The following ST8SIA1 variants were observed in gnomAD, a reference collection of about 807,000 sequenced individuals.
ST8SIA1 encodes the protein alpha-N-acetylneuraminide alpha-2,8-sialyltransferase.
A neutral mutation model predicts 35.9 loss-of-function variants in ST8SIA1; 16 were observed. That is an observed-to-expected ratio of 0.45 (90% CI 0.30 to 0.68). The LOEUF (loss-of-function observed/expected upper bound fraction) is 0.68, where lower values mean the gene tolerates loss of function less well. Ranked by LOEUF, ST8SIA1 falls within the 30% of genes least tolerant of loss-of-function variation. The pLI is 0.09. For synonymous variants in ST8SIA1, 170 were observed against 169.6 expected (o/e 1.00, Z -0.02); for missense variants, 383 against 453.6 (o/e 0.84, Z 1.41).
rs946514889 is a variant in ST8SIA1, at chr12:22,271,837, A to T, written c.381+15312T>A. 2.2e-4 allele frequency among the ~76,000 whole-genome samples: 34 copies of T among 152,166 alleles called. 1 individual carries two copies. Among genetic ancestry groups the T allele is most frequent in the African/African-American group, 8.2e-4 (34 of 41,450 alleles). ...CTCAACCATCTGCAAAAGTGAAAGGAAATTTCTACATATCAAGATCCCCAT... is the reference window on the plus strand; with the variant it reads ...CTCAACCATCTGCAAAAGTGAAAGGTAATTTCTACATATCAAGATCCCCAT... On this transcript the variant is annotated intron_variant, in intron 2 of 4. Transcript: ENST00000396037.
intron 4 of ST8SIA1, among the ~76,000 whole-genome samples, chr12:22,227,608 G>A (rs1004626722): frequency 1.6e-4 from 24 of 152,146 alleles, no homozygotes; most frequent in African/African-American, 5.5e-4. Context: ...CAAAAAAAAT[G>A]TTTTGAGGTG....
chr12:22,248,336 G>A (rs1865628020), intron 4 of ST8SIA1, among the ~76,000 whole-genome samples: 1 of 152,046 alleles, frequency 6.6e-6, no homozygotes, highest in African/African-American at 2.4e-5. Context: ...TCTCTACAAT[G>A]AACAGTCCTT....
intron 1 of ST8SIA1, 47 bp from the exon 2 acceptor site, chr12:22,287,340 G>A (rs764668901): frequency 6.3e-7 from 1 of 1,579,016 alleles, no homozygotes; most frequent in South Asian, 1.2e-5. Flanking sequence ...GGTTAAATGA[G>A]GAGCAGATTC....
In ST8SIA1 at chr12:22,309,158, T is replaced by A. The variant is rs556026826; in HGVS notation, c.237-21865A>T. ...CCTGGCGAAGGGGACCCCAAGATAATCTTGAAAACTAAGTTCTTGGCCATG... is the reference window on the plus strand; with the variant it reads ...CCTGGCGAAGGGGACCCCAAGATAAACTTGAAAACTAAGTTCTTGGCCATG... On this transcript the variant is annotated intron_variant, in intron 1 of 4. Transcript: ENST00000396037. Among the ~76,000 whole-genome samples the A allele has an allele frequency of 2.0e-5, 3 of 152,150 alleles. No homozygotes were observed. In the East Asian group the frequency reaches 5.8e-4, roughly 29 times the overall value.
At chr12:22,276,486 C>T (rs950336724) in intron 2 of ST8SIA1, among the ~76,000 whole-genome samples, 5 of 152,190 alleles carry the variant, frequency 3.3e-5, no homozygotes, top group African/African-American at 9.6e-5. Flanking sequence ...ACAGCCCCAG[C>T]TTAGCACAAG....
intron 4 of ST8SIA1, among the ~76,000 whole-genome samples, chr12:22,241,542 T>C (rs574292134): frequency 6.6e-6 from 1 of 151,872 alleles, no homozygotes; most frequent in East Asian, 1.9e-4. Flanking sequence ...CTGTAAAGTC[T>C]GCGGAACCAG....
At chr12:22,320,991 GA>G (rs1412288314) in intron 1 of ST8SIA1, among the ~76,000 whole-genome samples, 3,491 of 114,082 alleles carry the variant, frequency 0.031, 57 homozygotes, top group East Asian at 0.049. Flanking sequence ...AAGAAAGAAA[GA>G]AAGAAAGAAA....
At chr12:22,219,435 C>G (rs12828939) in intron 4 of ST8SIA1, among the ~76,000 whole-genome samples, 114,602 of 151,992 alleles carry the variant, frequency 0.75, 43,382 homozygotes, top group South Asian at 0.91. Flanking sequence ...TGGAAGGGAG[C>G]ACCAGCTGCA....
At chr12:22,300,629 T>C (rs1035995153) in intron 1 of ST8SIA1, among the ~76,000 whole-genome samples, 3 of 152,188 alleles carry the variant, frequency 2.0e-5, no homozygotes, top group African/African-American at 4.8e-5. Context: ...TTAGGGCTTA[T>C]TGTTTGGAAA....
intron 4 of ST8SIA1, among the ~76,000 whole-genome samples, chr12:22,218,636 T>TAAATAAATAAATAAATAAAC: frequency 6.7e-6 from 1 of 149,808 alleles, no homozygotes; most frequent in South Asian, 2.1e-4. Context: ...AATAAATAAA[T>TAAATAAATAAATAAATAAAC]ACAAAAAGTA....
At chr12:22,228,979 G>A (rs569191208) in intron 4 of ST8SIA1, among the ~76,000 whole-genome samples, 22 of 151,432 alleles carry the variant, frequency 1.5e-4, no homozygotes, top group Admixed American at 2.6e-4. Context: ...ACTTGAAGCC[G>A]GGAGGCGGAG....
intron 2 of ST8SIA1, 74 bp from the exon 3 acceptor site, chr12:22,255,463 G>C (rs2135796370): frequency 3.1e-6 from 4 of 1,277,408 alleles, no homozygotes; most frequent in Non-Finnish European, 4.6e-6. Context: ...GTTTACAGCA[G>C]ACCCTTTGGA....
chr12:22,332,219 C>T (rs376535064), intron 1 of ST8SIA1, among the ~76,000 whole-genome samples: 2 of 152,180 alleles, frequency 1.3e-5, no homozygotes, highest in African/African-American at 2.4e-5. Flanking sequence ...ATAAGTAATT[C>T]TCTGCACATA....
At chr12:22,224,809 A>G (rs1865337255) in intron 4 of ST8SIA1, among the ~76,000 whole-genome samples, 1 of 152,124 alleles carries the variant, frequency 6.6e-6, no homozygotes, top group African/African-American at 2.4e-5. Flanking sequence ...CTTGGGTCAA[A>G]TCCTTGTACT....
At chr12:22,238,685 C>T (rs1865504156) in intron 4 of ST8SIA1, among the ~76,000 whole-genome samples, 1 of 152,226 alleles carries the variant, frequency 6.6e-6, no homozygotes. Flanking sequence ...TCTCCCCCTC[C>T]TAACTTATGC....
intron 1 of ST8SIA1, among the ~76,000 whole-genome samples, chr12:22,300,973 G>A (rs1449625791): frequency 6.6e-6 from 1 of 151,942 alleles, no homozygotes; most frequent in East Asian, 1.9e-4. Flanking sequence ...ATATGTTATT[G>A]GTATGTGTTC....
At chr12:22,305,100 G>C (rs1866368232) in intron 1 of ST8SIA1, among the ~76,000 whole-genome samples, 2 of 152,162 alleles carry the variant, frequency 1.3e-5, no homozygotes, top group South Asian at 4.1e-4. Context: ...AGAGGTCTTA[G>C]GAATCTATAA....
intron 4 of ST8SIA1, among the ~76,000 whole-genome samples, chr12:22,208,290 T>C (rs1444291373): frequency 3.9e-5 from 6 of 152,132 alleles, no homozygotes; most frequent in Admixed American, 6.6e-5. Context: ...ATTTCAATTA[T>C]GTATATAAGT....
Position 22,287,129 on chromosome 12 carries a change from G to T in ST8SIA1, c.381+20C>A, listed in dbSNP as rs200969118. ...AGAAATTTAAGAAACCATACTGAAG[G>T]CAACCAACTCTATACTAACCTGTGG... is the stretch of plus-strand genomic sequence containing the variant. On this transcript the variant is annotated intron_variant, in intron 2 of 4. Transcript: ENST00000396037. 1.9e-6 allele frequency: 3 copies of T among 1,594,468 alleles called. No individual in the cohort carries two copies. The East Asian group carries it at 6.7e-5, about 36-fold the overall frequency.
Sources: allele counts gnomAD v4.1 joint callset (sites outside exome capture counted in the v4.1 genomes callset), GRCh38; gene constraint gnomAD v4.1.1; transcripts MANE v1.5; gene names NCBI Gene and HGNC (gene_info 2026-07-23, HGNC 2026-07-21).